Variants in SFMBT1 observed in about 807,000 individuals in gnomAD.
The protein encoded by SFMBT1 is scm-like with four MBT domains protein 1.
A neutral mutation model predicts 108.7 loss-of-function variants in SFMBT1; 32 were observed. That is an observed-to-expected ratio of 0.29 (90% CI 0.22 to 0.40). The LOEUF is 0.40. Among genes scored for constraint, SFMBT1 ranks in the 10% least tolerant of loss-of-function variants. SFMBT1 has a pLI of 1.00. For missense variants in SFMBT1, 816 were observed against 1,059.6 expected (o/e 0.77, Z 3.19); for synonymous variants, 348 against 369.5 (o/e 0.94, Z 0.67).
At chr3:52,980,153 CA>C (rs1342397590) in intron 1 of SFMBT1, among the ~76,000 whole-genome samples, 2 of 152,110 alleles carry the variant, frequency 1.3e-5, no homozygotes, top group Non-Finnish European at 2.9e-5. Context: ...CTTATACAAA[CA>C]CAGACTGTAC....
At chr3:52,988,797 T>C (rs1015119435) in intron 1 of SFMBT1, among the ~76,000 whole-genome samples, 2 of 152,244 alleles carry the variant, frequency 1.3e-5, no homozygotes, top group African/African-American at 4.8e-5. Flanking sequence ...ATTAGGAATC[T>C]AAACAGACTT....
intron 1 of SFMBT1, among the ~76,000 whole-genome samples, chr3:53,025,967 T>A (rs1274790892): frequency 6.6e-6 from 1 of 152,242 alleles, no homozygotes; most frequent in East Asian, 1.9e-4. Context: ...CTCTCAGTGT[T>A]GGGCTGTGTT....
At chr3:52,986,227 G>T (rs948877017) in intron 1 of SFMBT1, among the ~76,000 whole-genome samples, 18 of 151,888 alleles carry the variant, frequency 1.2e-4, no homozygotes, top group Non-Finnish European at 2.4e-4. Flanking sequence ...CTGGGAAGTT[G>T]TTCTGGGTGA....
chr3:53,010,445 C>A (rs1379718310), intron 1 of SFMBT1, among the ~76,000 whole-genome samples: 1 of 152,180 alleles, frequency 6.6e-6, no homozygotes, highest in Non-Finnish European at 1.5e-5. Flanking sequence ...ACTGAACCCT[C>A]TGTGGGGCTG....
At position 52,945,825 on chromosome 3, in the gene SFMBT1, GA is replaced by G. The variant is rs796370139; in HGVS notation, c.124-2233del. ...GACTCCATCTCAAAAAAAAAAAAAA[GA>G]AAAAAAGAGATAAACATTGCAGGCA... On this transcript the variant is annotated intron_variant, in intron 3 of 20. Coordinates refer to ENST00000394752, the MANE Select transcript of SFMBT1 (RefSeq NM_016329.4). Among the ~76,000 whole-genome samples, 229 of 143,276 alleles carry G rather than the reference GA, an allele frequency of 1.6e-3. 1 individual carries two copies. The highest frequency in any genetic ancestry group is 5.5e-3 in the African/African-American group (217 of 39,740). 94.0% of individuals were successfully genotyped at this position (143,276 alleles called of 152,430 possible). A position where few individuals can be genotyped will look rare whatever the true frequency, so the allele number is the denominator to read the frequency against.
chr3:53,017,790 A>G (rs1699175974), intron 1 of SFMBT1, among the ~76,000 whole-genome samples: 2 of 152,200 alleles, frequency 1.3e-5, no homozygotes, highest in Admixed American at 1.3e-4. Context: ...GTAAACATCT[A>G]TATACACCTT....
intron 9 of SFMBT1, among the ~76,000 whole-genome samples, chr3:52,926,707 A>G (rs369708788): frequency 2.6e-5 from 4 of 152,260 alleles, no homozygotes; most frequent in South Asian, 4.2e-4. Context: ...ACCCCACTTA[A>G]GTCTACTGAG....
chr3:52,954,865 A>G (rs1383886296), intron 2 of SFMBT1, among the ~76,000 whole-genome samples: 1 of 152,186 alleles, frequency 6.6e-6, no homozygotes, highest in East Asian at 1.9e-4. Flanking sequence ...TAATAAAAAA[A>G]AAAAAGTGTC....
intron 3 of SFMBT1, among the ~76,000 whole-genome samples, chr3:52,946,219 T>C (rs1703359751): frequency 6.6e-6 from 1 of 152,212 alleles, no homozygotes; most frequent in Non-Finnish European, 1.5e-5. Context: ...GGAACTGTCA[T>C]ATACCAGAGA....
intron 2 of SFMBT1, among the ~76,000 whole-genome samples, chr3:52,956,210 C>G (rs1472470483): frequency 2.6e-5 from 4 of 152,190 alleles, no homozygotes; most frequent in African/African-American, 9.7e-5. Flanking sequence ...GCCTGTAATC[C>G]CAGCACTGTG....
intron 1 of SFMBT1, among the ~76,000 whole-genome samples, chr3:52,986,765 ACT>A (rs1338800658): frequency 8.9e-5 from 4 of 44,898 alleles, no homozygotes; most frequent in Admixed American, 6.1e-4. Flanking sequence ...ACAGAGCAAG[ACT>A]CTGTCTCAAA....
chr3:52,917,303 A>G (rs1702387007), intron 13 of SFMBT1, among the ~76,000 whole-genome samples: 1 of 152,116 alleles, frequency 6.6e-6, no homozygotes, highest in South Asian at 2.1e-4. Context: ...ATTCGAAGAT[A>G]GGGCCTTGGG....
chr3:52,950,082 C>T (rs1008419665), intron 3 of SFMBT1, among the ~76,000 whole-genome samples: 1 of 152,104 alleles, frequency 6.6e-6, no homozygotes. Flanking sequence ...TGCATTTAGA[C>T]CACTGACATT....
intron 1 of SFMBT1, among the ~76,000 whole-genome samples, chr3:53,009,093 T>C (rs541760298): frequency 3.3e-5 from 5 of 151,582 alleles, no homozygotes; most frequent in South Asian, 2.1e-4. Flanking sequence ...CTGGGCAACA[T>C]AGCAAGACCC....
rs1334320903 is a variant in SFMBT1 at position 53,001,923 on chromosome 3, T to TCACACA, written c.-130-32666_-130-32665insTGTGTG. Among the ~76,000 whole-genome samples the TCACACA allele has an allele frequency of 2.8e-4, 19 of 67,092 alleles. 1 individual carries two copies. The highest frequency in any genetic ancestry group is 7.6e-4 in the East Asian group (1 of 1,318). 44.0% of individuals were successfully genotyped at this position (67,092 alleles called of 152,430 possible). A position where few individuals can be genotyped will look rare whatever the true frequency, so the allele number is the denominator to read the frequency against. On this transcript the variant is annotated intron_variant, in intron 1 of 20. Transcript: ENST00000394752. Reference sequence around the variant, plus strand: ...CTGGGCAACAGAGCAAGACCCAGTCTCTCACACACACACACACACACACAC... The same window carrying TCACACA: ...CTGGGCAACAGAGCAAGACCCAGTCTCACACACTCACACACACACACACACACACAC...
Position 52,921,796 on chromosome 3 carries a change from C to CTTCATGTTCTCCTTAAA in SFMBT1, c.1150_1166dup (p.Lys389AsnfsTer6), listed in dbSNP as rs1324202112. The CTTCATGTTCTCCTTAAA allele has an allele frequency of 6.2e-7, 1 of 1,613,882 alleles. No individual in the cohort carries two copies. The highest frequency in any genetic ancestry group is 1.3e-5 in the African/African-American group (1 of 74,898). ...GGAGAATGGGGTTCACCGCCTCGAG[C>CTTCATGTTCTCCTTAAA]TTCATGTTCTCCTTAAATTCATGTT... On this transcript the variant is annotated stop_gained and frameshift_variant, in exon 11 of 21. Coordinates refer to ENST00000394752, the MANE Select transcript of SFMBT1 (RefSeq NM_016329.4). LOFTEE classifies it high-confidence loss of function.
rs756092715 is a variant in SFMBT1 at position 52,930,931 on chromosome 3, T to C, written c.795+10A>G. On this transcript the variant is annotated intron_variant, in intron 7 of 20. Coordinates refer to ENST00000394752, the MANE Select transcript of SFMBT1 (RefSeq NM_016329.4). ...GAGCAATACCGGTCTATCACATGTT[T>C]TGTTTTTACCTTAAATAAGTAAGAT... 1.1e-5 allele frequency: 18 copies of C among 1,612,612 alleles called. No individual in the cohort carries two copies. Among genetic ancestry groups the C allele is most frequent in the Admixed American group, 1.7e-5 (1 of 59,984 alleles).
chr3:52,962,197 A>C (rs572212609), intron 2 of SFMBT1, among the ~76,000 whole-genome samples: 1 of 152,266 alleles, frequency 6.6e-6, no homozygotes, highest in Non-Finnish European at 1.5e-5. Flanking sequence ...ACAAAATTAC[A>C]TATGTATTTA....
At chr3:52,986,005 T>G (rs1704897972) in intron 1 of SFMBT1, among the ~76,000 whole-genome samples, 1 of 151,816 alleles carries the variant, frequency 6.6e-6, no homozygotes, top group African/African-American at 2.4e-5. Flanking sequence ...TAGCTCGGTG[T>G]GGTAGTGGGC....
Sources: allele counts gnomAD v4.1 joint callset (sites outside exome capture counted in the v4.1 genomes callset), GRCh38; gene constraint gnomAD v4.1.1; transcripts MANE v1.5; gene names NCBI Gene and HGNC (gene_info 2026-07-23, HGNC 2026-07-21).